The following TFEC variants were observed in gnomAD, a reference collection of about 807,000 sequenced individuals.
TFEC encodes the protein class E basic helix-loop-helix protein 34.
TFEC carries 31 observed loss-of-function variants against 41.6 expected under a neutral mutation model. The ratio of observed to expected loss-of-function variants is 0.74; its 90% CI spans 0.56 to 1.01. The LOEUF is 1.01. Ranked by LOEUF, TFEC falls within the 50% of genes least tolerant of loss-of-function variation. The pLI, the probability that TFEC is intolerant of heterozygous loss-of-function variation, is 0.00. For missense variants in TFEC, 402 were observed against 404.1 expected, an observed-to-expected ratio of 0.99 and a Z score of 0.04; for synonymous variants, 143 against 140.6, an observed-to-expected ratio of 1.02 and a Z score of -0.12.
intron 1 of TFEC, among the ~76,000 whole-genome samples, chr7:116,114,343 T>C (rs1204290253): frequency 1.3e-5 from 2 of 151,944 alleles, no homozygotes; most frequent in Non-Finnish European, 2.9e-5. Flanking sequence ...TTGATCAAAG[T>C]TTCAGTGAAT....
chr7:115,979,009 G>T (rs1793507307), intron 2 of TFEC, among the ~76,000 whole-genome samples: 1 of 152,064 alleles, frequency 6.6e-6, no homozygotes, highest in Non-Finnish European at 1.5e-5. Context: ...CAGTCCAGCA[G>T]ATTTGGATAT....
intron 1 of TFEC, among the ~76,000 whole-genome samples, chr7:116,020,272 G>C (rs1795344591): frequency 6.6e-6 from 1 of 152,026 alleles, no homozygotes; most frequent in Admixed American, 6.6e-5. Context: ...TTCTAAATGA[G>C]AATACCTTGT....
At chr7:115,956,378 T>C (rs1792227218) in intron 4 of TFEC, among the ~76,000 whole-genome samples, 3 of 149,794 alleles carry the variant, frequency 2.0e-5, no homozygotes, top group South Asian at 2.1e-4. Flanking sequence ...TGAGCCTATG[T>C]TAAATGAAGC....
intron 1 of TFEC, among the ~76,000 whole-genome samples, chr7:116,125,306 A>G (rs1798187037): frequency 6.6e-6 from 1 of 152,218 alleles, no homozygotes; most frequent in Admixed American, 6.5e-5. Flanking sequence ...TAAAGCAAGG[A>G]TGGGTGTGAG....
chr7:116,117,196 A>G lies in TFEC; in HGVS notation c.-68-5158T>C, dbSNP rs187222535. Among the ~76,000 whole-genome samples the G allele has an allele frequency of 2.8e-3, 419 of 151,890 alleles. 1 individual carries two copies. The highest frequency in any genetic ancestry group is 9.7e-3 in the African/African-American group (402 of 41,500). ...ACCTACTTCTCATTTAATCTGCTTGACTAAATAAGATTGCTTTGTTGGAGA... is the reference window on the plus strand; with the variant it reads ...ACCTACTTCTCATTTAATCTGCTTGGCTAAATAAGATTGCTTTGTTGGAGA... On this transcript the variant is annotated intron_variant, in intron 1 of 8. Coordinates refer to the TFEC transcript ENST00000484212.
intron 3 of TFEC, among the ~76,000 whole-genome samples, chr7:115,959,936 T>A (rs1397769966): frequency 6.6e-6 from 1 of 151,582 alleles, no homozygotes; most frequent in Non-Finnish European, 1.5e-5. Flanking sequence ...AGAAAGAATT[T>A]TTTAAAGTAA....
At chr7:116,115,625 C>G (rs572767372) in intron 1 of TFEC, among the ~76,000 whole-genome samples, 1 of 151,948 alleles carries the variant, frequency 6.6e-6, no homozygotes, top group Non-Finnish European at 1.5e-5. Flanking sequence ...AAAAATCTCC[C>G]CACCTCAACA....
intron 3 of TFEC, among the ~76,000 whole-genome samples, chr7:116,054,162 C>T (rs1336395984): frequency 6.6e-6 from 1 of 152,062 alleles, no homozygotes. Flanking sequence ...GGATTAAGAA[C>T]ACCTAGGAGG....
At chr7:115,944,013 A>ATTTTTTTTTTTTTTTTTT (rs1160114562) in intron 6 of TFEC, among the ~76,000 whole-genome samples, 417 of 22,822 alleles carry the variant, frequency 0.018, 111 homozygotes, top group Non-Finnish European at 0.031. Flanking sequence ...ACAGGTCTGA[A>ATTTTTTTTTTTTTTTTTT]TTTTTTTTTT....
At chr7:116,081,642 T>C (rs1486461311) in intron 3 of TFEC, among the ~76,000 whole-genome samples, 1 of 152,048 alleles carries the variant, frequency 6.6e-6, no homozygotes, top group Non-Finnish European at 1.5e-5. Context: ...GTGCTCTTAT[T>C]GGTACTCCAA....
intron 3 of TFEC, among the ~76,000 whole-genome samples, chr7:116,069,270 TAAAGAAGGA>T (rs1044580723): frequency 4.0e-5 from 6 of 151,442 alleles, no homozygotes; most frequent in African/African-American, 1.5e-4. Context: ...GAACCACAGA[TAAAGAAGGA>T]AATGAAGAGA....
intron 3 of TFEC, among the ~76,000 whole-genome samples, chr7:116,088,956 T>G (rs1403302015): frequency 6.6e-6 from 1 of 152,030 alleles, no homozygotes; most frequent in Non-Finnish European, 1.5e-5. Context: ...CAAGACTCAG[T>G]TCATGAACTT....
At chr7:116,030,154 G>A (rs1795741482) in intron 1 of TFEC, among the ~76,000 whole-genome samples, 1 of 152,074 alleles carries the variant, frequency 6.6e-6, no homozygotes, top group African/African-American at 2.4e-5. Context: ...TTAATTTTTA[G>A]TCCTGGAATA....
chr7:116,102,906 A>G (rs1797635923), intron 3 of TFEC, among the ~76,000 whole-genome samples: 1 of 152,184 alleles, frequency 6.6e-6, no homozygotes, highest in Non-Finnish European at 1.5e-5. Flanking sequence ...GTGTTAGTGG[A>G]TAATTTTGCC....
intron 1 of TFEC, among the ~76,000 whole-genome samples, chr7:116,028,081 CTCTA>C (rs1795653708): frequency 6.6e-6 from 1 of 152,172 alleles, no homozygotes; most frequent in Admixed American, 6.5e-5. Flanking sequence ...GATTCTACAT[CTCTA>C]TCTTACTATT....
chr7:116,071,173 C>A (rs1202342118), intron 3 of TFEC, among the ~76,000 whole-genome samples: 1 of 150,180 alleles, frequency 6.7e-6, no homozygotes. Flanking sequence ...ATTTAGATGC[C>A]AAAATAGACA....
intron 3 of TFEC, among the ~76,000 whole-genome samples, chr7:116,049,030 C>A (rs1054545845): frequency 3.3e-5 from 5 of 152,142 alleles, no homozygotes; most frequent in African/African-American, 1.2e-4. Flanking sequence ...CAAAAACATG[C>A]CAAATTGTAA....
intron 1 of TFEC, among the ~76,000 whole-genome samples, chr7:115,999,572 C>T (rs1356655996): frequency 6.6e-6 from 1 of 151,678 alleles, no homozygotes; most frequent in Non-Finnish European, 1.5e-5. Flanking sequence ...AATCAACAAA[C>T]CTTTATCCAG....
chr7:115,950,057 G>A (rs373565707), intron 6 of TFEC, among the ~76,000 whole-genome samples: 1 of 145,402 alleles, frequency 6.9e-6, no homozygotes, highest in Non-Finnish European at 1.5e-5. Context: ...TGTTGCCCAG[G>A]CTGGAGTGCA....
Sources: allele counts gnomAD v4.1 joint callset (sites outside exome capture counted in the v4.1 genomes callset), GRCh38; gene constraint gnomAD v4.1.1; transcripts MANE v1.5; gene names NCBI Gene and HGNC (gene_info 2026-07-23, HGNC 2026-07-21).